IBTK: variants seen among roughly 807,000 people sequenced by gnomAD.
IBTK encodes the protein BTK-binding protein.
Under a neutral mutation model 154.9 loss-of-function variants are expected in IBTK, and 83 were observed. That is an observed-to-expected ratio of 0.54 (90% CI 0.45 to 0.64). The LOEUF (loss-of-function observed/expected upper bound fraction) is 0.64, where lower values mean the gene tolerates loss of function less well. Ranked by LOEUF, IBTK falls within the 30% of genes least tolerant of loss-of-function variation. IBTK has a pLI of 0.00. For synonymous variants in IBTK, 515 were observed against 536.1 expected, an observed-to-expected ratio of 0.96 and a Z score of 0.54; for missense variants, 1,332 against 1,584.6, an observed-to-expected ratio of 0.84 and a Z score of 2.71.
chr6:82,208,149 AG>A (rs948245358), intron 16 of IBTK, among the ~76,000 whole-genome samples: 4 of 151,260 alleles, frequency 2.6e-5, no homozygotes, highest in Non-Finnish European at 5.9e-5. Context: ...TAATTATGTG[AG>A]GTGACGGTTA....
intron 2 of IBTK, among the ~76,000 whole-genome samples, chr6:82,237,283 A>G (rs1770751482): frequency 6.6e-6 from 1 of 152,112 alleles, no homozygotes; most frequent in Admixed American, 6.5e-5. Flanking sequence ...CAGATGGAAA[A>G]GGGTAAGAAT....
chr6:82,194,752 A>G, intron 22 of IBTK, 110 bp from the exon 23 acceptor site: 2 of 730,746 alleles, frequency 2.7e-6, no homozygotes, highest in Non-Finnish European at 3.8e-6. Flanking sequence ...ATAAAATCTT[A>G]TGACAATAAG....
At chr6:82,233,268 A>C (rs936952364) in intron 3 of IBTK, among the ~76,000 whole-genome samples, 1 of 152,124 alleles carries the variant, frequency 6.6e-6, no homozygotes, top group Non-Finnish European at 1.5e-5. Context: ...TTGAAGCTGC[A>C]ATGAGCCGTG....
At position 82,200,359 on chromosome 6, in the gene IBTK, T is replaced by A. The variant is rs538966376; in HGVS notation, c.2913-106A>T. ...ACCTGAAGGCTACTTTTTAAAATAT[T>A]TACACTTTCAATGTGTTAGACCTAC... On this transcript the variant is annotated intron_variant, in intron 20 of 28. Transcript: ENST00000306270. The A allele has an allele frequency of 9.9e-5, 85 of 855,764 alleles. No individual in the cohort carries two copies. In the Middle Eastern group the frequency reaches 1.4e-3, roughly 14 times the overall value. 53.0% of individuals were successfully genotyped at this position (855,764 alleles called of 1,614,324 possible). A position where few individuals can be genotyped will look rare whatever the true frequency, so the allele number is the denominator to read the frequency against.
At chr6:82,236,636 T>C (rs1389876204) in intron 2 of IBTK, among the ~76,000 whole-genome samples, 3 of 152,230 alleles carry the variant, frequency 2.0e-5, no homozygotes, top group Non-Finnish European at 4.4e-5. Flanking sequence ...TCTTTGGCAT[T>C]AAGAAACTGA....
chr6:82,191,602 A>C (rs1336626357), intron 24 of IBTK, 185 bp downstream of exon 24: 1 of 670,564 alleles, frequency 1.5e-6, no homozygotes, highest in Non-Finnish European at 2.7e-6. Context: ...TGGATTATCA[A>C]CTCAACTCTA....
At chr6:82,179,922 A>G (rs1249223575) in intron 26 of IBTK, among the ~76,000 whole-genome samples, 1 of 152,076 alleles carries the variant, frequency 6.6e-6, no homozygotes, top group Non-Finnish European at 1.5e-5. Flanking sequence ...AATGGGAAGC[A>G]TTAAGATAAA....
chr6:82,225,576 A>C lies in IBTK; in HGVS notation c.726T>G (p.Val242=). The change falls in exon 6 of 29, where the codon GTT becomes GTG. Residue 242 remains valine (V), a synonymous_variant. Transcript: ENST00000306270. ...SQVAAAKDHT[V]VLTEDGCVYT... The stretch of plus-strand genomic sequence containing the variant: ...AAACACATCCATCTTCAGTTAATAC[A>C]ACAGTATGATCCTTAGCAGCTGCCA... 6.2e-7 allele frequency: 1 copy of C among 1,613,628 alleles called. No individual in the cohort carries two copies. The highest frequency in any genetic ancestry group is 8.5e-7 in the Non-Finnish European group (1 of 1,179,632).
intron 1 of IBTK, among the ~76,000 whole-genome samples, chr6:82,241,412 T>G (rs1770946740): frequency 6.6e-6 from 1 of 152,202 alleles, no homozygotes; most frequent in Admixed American, 6.5e-5. Flanking sequence ...ACCCAGGCAC[T>G]GTGTTAATAT....
At chr6:82,237,011 G>A (rs774059935) in intron 2 of IBTK, among the ~76,000 whole-genome samples, 19 of 152,260 alleles carry the variant, frequency 1.2e-4, no homozygotes, top group South Asian at 4.1e-4. Context: ...AGGTGACAAC[G>A]GCACAATTTC....
chr6:82,194,699 C>T, intron 22 of IBTK, 57 bp from the exon 23 acceptor site: 2 of 1,168,038 alleles, frequency 1.7e-6, no homozygotes, highest in Non-Finnish European at 2.3e-6. Context: ...GTAACTAACA[C>T]ATAGCTGGTA....
intron 16 of IBTK, among the ~76,000 whole-genome samples, chr6:82,206,514 T>G (rs540208140): frequency 9.2e-5 from 14 of 152,288 alleles, no homozygotes; most frequent in African/African-American, 3.1e-4. Context: ...ATAATACAAT[T>G]GATGAATTAA....
intron 11 of IBTK, among the ~76,000 whole-genome samples, chr6:82,215,632 C>T (rs890140126): frequency 2.6e-5 from 4 of 151,696 alleles, no homozygotes; most frequent in African/African-American, 9.7e-5. Flanking sequence ...ACTAAAAATA[C>T]AAAAATTAGC....
In IBTK at chr6:82,237,249, G is replaced by GA. The variant is rs964355788; in HGVS notation, c.321+2916dup. On this transcript the variant is annotated intron_variant, in intron 2 of 28. Coordinates refer to ENST00000306270, the MANE Select transcript of IBTK (RefSeq NM_015525.4). Reference sequence around the variant, plus strand: ...GTCATCCAACTTTCCAGCAGAAACTGAAAAAAAAAAAGCCAAGGTTTTACA... The same window carrying GA: ...GTCATCCAACTTTCCAGCAGAAACTGAAAAAAAAAAAAGCCAAGGTTTTACA... Among the ~76,000 whole-genome samples, 117 of 138,470 alleles carry GA rather than the reference G, an allele frequency of 8.4e-4. 1 individual carries two copies. Among genetic ancestry groups the GA allele is most frequent in the African/African-American group, 2.0e-3 (76 of 37,768 alleles). 90.8% of individuals were successfully genotyped at this position (138,470 alleles called of 152,430 possible). A position where few individuals can be genotyped will look rare whatever the true frequency, so the allele number is the denominator to read the frequency against.
At chr6:82,186,752 A>G (rs1423503418) in intron 25 of IBTK, among the ~76,000 whole-genome samples, 1 of 152,160 alleles carries the variant, frequency 6.6e-6, no homozygotes, top group East Asian at 1.9e-4. Flanking sequence ...CATAACATCT[A>G]TAATTATCTA....
Position 82,234,264 on chromosome 6 carries a change from A to G in IBTK, c.322-9T>C. 8.2e-7 allele frequency: 1 copy of G among 1,217,766 alleles called. No homozygotes were observed. Among genetic ancestry groups the G allele is most frequent in the Non-Finnish European group, 1.1e-6 (1 of 877,108 alleles). The allele number at this position is 1,217,766 out of a possible 1,614,324, so 75.4% of individuals were successfully genotyped here. A position where few individuals can be genotyped will look rare whatever the true frequency, so the allele number is the denominator to read the frequency against. On this transcript the variant is annotated splice_polypyrimidine_tract_variant and intron_variant, in intron 2 of 28. Coordinates refer to ENST00000306270, the MANE Select transcript of IBTK (RefSeq NM_015525.4). ...TACAGACTAACACCATGCTAAAACA[A>G]ACAAACAAACAAATACATAAATATA...
chr6:82,203,172 G>A (rs1008072870), intron 17 of IBTK, among the ~76,000 whole-genome samples: 19 of 151,862 alleles, frequency 1.3e-4, no homozygotes, highest in Non-Finnish European at 4.4e-5. Context: ...TTGAAAATAC[G>A]TACATCACAA....
At chr6:82,233,345 AATG>A (rs899179506) in intron 3 of IBTK, among the ~76,000 whole-genome samples, 3 of 152,024 alleles carry the variant, frequency 2.0e-5, no homozygotes, top group Admixed American at 2.0e-4. Context: ...CCACAAAAAT[AATG>A]ATAATTTCCA....
rs1359120977 is a variant in IBTK at position 82,234,142 on chromosome 6, T to G, written c.418+17A>C. Reference sequence around the variant, plus strand: ...GTGTGAGCCGCAGCGCCCAGCCCATTTGTGAAATTTTCTTACCAGTATTCT... The same window carrying G: ...GTGTGAGCCGCAGCGCCCAGCCCATGTGTGAAATTTTCTTACCAGTATTCT... On this transcript the variant is annotated intron_variant, in intron 3 of 28. Coordinates refer to ENST00000306270, the MANE Select transcript of IBTK (RefSeq NM_015525.4). 3 of 1,350,868 alleles carry G rather than the reference T, an allele frequency of 2.2e-6. No homozygotes were observed. The highest frequency in any genetic ancestry group is 3.2e-6 in the Non-Finnish European group (3 of 949,982). 83.7% of individuals were successfully genotyped at this position (1,350,868 alleles called of 1,614,324 possible).
Sources: allele counts gnomAD v4.1 joint callset (sites outside exome capture counted in the v4.1 genomes callset), GRCh38; gene constraint gnomAD v4.1.1; transcripts MANE v1.5; gene names NCBI Gene and HGNC (gene_info 2026-07-23, HGNC 2026-07-21).